The following SPTLC2 variants were observed in gnomAD, a reference collection of about 807,000 sequenced individuals.
SPTLC2 encodes the protein serine palmitoyltransferase long chain base subunit 2.
Under a neutral mutation model 62.0 loss-of-function variants are expected in SPTLC2, and 21 were observed. The observed-to-expected ratio is 0.34, with a 90% CI of 0.24 to 0.49. SPTLC2 has a LOEUF of 0.49. Ranked by LOEUF, SPTLC2 falls within the 20% of genes least tolerant of loss-of-function variation. The probability of loss-of-function intolerance (pLI) is 0.99; values close to 1 mark genes in which losing one functional copy is unlikely to be tolerated. For missense variants in SPTLC2, 511 were observed against 713.0 expected (o/e 0.72, Z 3.23); for synonymous variants, 261 against 261.8 (o/e 1.00, Z 0.03).
chr14:77,593,428 CTGTATCTGTCACGTACG>C (rs1468072886), intron 2 of SPTLC2, among the ~76,000 whole-genome samples: 6 of 152,160 alleles, frequency 3.9e-5, no homozygotes, highest in East Asian at 3.8e-4. Flanking sequence ...CAAGCTTTTG[CTGTATCTGTCACGTACG>C]TGTTTCTGAA....
Position 77,513,756 on chromosome 14 carries a change from G to A in SPTLC2, c.1570-1353C>T, listed in dbSNP as rs533645720. The stretch of plus-strand genomic sequence containing the variant: ...ACTGAAAATACAAAATTAGCTGGGC[G>A]TGGTGGCACATGCCTGTAATCCCAG... On this transcript the variant is annotated intron_variant, in intron 11 of 11. Coordinates refer to ENST00000216484, the MANE Select transcript of SPTLC2 (RefSeq NM_004863.4). 6.2e-4 allele frequency among the ~76,000 whole-genome samples: 95 copies of A among 152,202 alleles called. 1 individual carries two copies. The highest frequency in any genetic ancestry group is 1.9e-3 in the African/African-American group (80 of 41,526).
chr14:77,575,692 C>T (rs1481515403), intron 4 of SPTLC2, among the ~76,000 whole-genome samples: 1 of 152,156 alleles, frequency 6.6e-6, no homozygotes, highest in Non-Finnish European at 1.5e-5. Flanking sequence ...CCACCACGTT[C>T]GGCTACTTTA....
intron 1 of SPTLC2, among the ~76,000 whole-genome samples, chr14:77,613,429 T>C (rs888449490): frequency 1.3e-5 from 2 of 152,232 alleles, no homozygotes; most frequent in South Asian, 4.1e-4. Context: ...TACTGCTCTA[T>C]TGTTCAACTG....
chr14:77,614,533 G>A (rs536081191), intron 1 of SPTLC2, among the ~76,000 whole-genome samples: 12 of 152,086 alleles, frequency 7.9e-5, no homozygotes, highest in East Asian at 7.7e-4. Context: ...GCGTGGTGGC[G>A]GGTGCCTGTA....
chr14:77,573,256 T>C (rs879576890), intron 4 of SPTLC2, among the ~76,000 whole-genome samples: 25 of 152,092 alleles, frequency 1.6e-4, no homozygotes, highest in African/African-American at 4.3e-4. Context: ...AGAAATAAGT[T>C]CTAATGTTTG....
At chr14:77,559,912 T>C (rs2079605707) in intron 6 of SPTLC2, among the ~76,000 whole-genome samples, 1 of 151,336 alleles carries the variant, frequency 6.6e-6, no homozygotes, top group South Asian at 2.1e-4. Context: ...AATAAAATAA[T>C]GCAACATAAA....
Position 77,570,842 on chromosome 14 carries a change from G to A in SPTLC2, c.632-334C>T, listed in dbSNP as rs190322139. On this transcript the variant is annotated intron_variant, in intron 4 of 11. Coordinates refer to ENST00000216484, the MANE Select transcript of SPTLC2 (RefSeq NM_004863.4). ...TAGCAAAATCTGCTTTTACACTTTT[G>A]AAGTCAGCTGCTATGTAAAACAATC... Among the ~76,000 whole-genome samples the A allele has an allele frequency of 3.8e-3, 585 of 151,960 alleles. 2 individuals are homozygous for A. Among genetic ancestry groups the A allele is most frequent in the Admixed American group, 0.011 (168 of 15,230 alleles).
At chr14:77,519,007 T>C (rs2079372515) in intron 10 of SPTLC2, among the ~76,000 whole-genome samples, 1 of 152,228 alleles carries the variant, frequency 6.6e-6, no homozygotes. Flanking sequence ...CTTGTCTAAA[T>C]AACACATTCT....
chr14:77,608,419 C>T (rs1490951117), intron 1 of SPTLC2, among the ~76,000 whole-genome samples: 1 of 152,104 alleles, frequency 6.6e-6, no homozygotes, highest in Admixed American at 6.5e-5. Flanking sequence ...AGAAATAAAA[C>T]TGTATTCAAC....
intron 1 of SPTLC2, among the ~76,000 whole-genome samples, chr14:77,604,802 G>A (rs2140062033): frequency 6.7e-6 from 1 of 149,582 alleles, no homozygotes. Flanking sequence ...GGGAGGCGGA[G>A]GTTGCGGTGA....
chr14:77,529,732 C>T (rs1483795216), intron 9 of SPTLC2, among the ~76,000 whole-genome samples: 4 of 149,488 alleles, frequency 2.7e-5, no homozygotes, highest in African/African-American at 4.9e-5. Flanking sequence ...AAGAGATTCT[C>T]GTGCCTCAGC....
intron 9 of SPTLC2, among the ~76,000 whole-genome samples, chr14:77,545,462 T>C (rs1019908965): frequency 2.0e-5 from 3 of 152,058 alleles, no homozygotes; most frequent in African/African-American, 4.8e-5. Flanking sequence ...AGAGACAGGG[T>C]TTCGCCATGT....
At chr14:77,603,220 AGGATAACAG>A (rs2079887455) in intron 1 of SPTLC2, among the ~76,000 whole-genome samples, 1 of 152,262 alleles carries the variant, frequency 6.6e-6, no homozygotes, top group Non-Finnish European at 1.5e-5. Flanking sequence ...ATGCTACAGC[AGGATAACAG>A]AACCTGCCCA....
intron 9 of SPTLC2, among the ~76,000 whole-genome samples, chr14:77,548,324 A>T (rs560322865): frequency 6.6e-6 from 1 of 152,218 alleles, no homozygotes; most frequent in Non-Finnish European, 1.5e-5. Flanking sequence ...AAAGGATCCT[A>T]GATGTCACAC....
At chr14:77,603,888 G>C (rs1401805878) in intron 1 of SPTLC2, among the ~76,000 whole-genome samples, 5 of 152,190 alleles carry the variant, frequency 3.3e-5, no homozygotes, top group Admixed American at 6.5e-5. Context: ...TGTAAGAGAT[G>C]CAAGAGCCTG....
chr14:77,546,923 C>A (rs2079531357), intron 9 of SPTLC2, among the ~76,000 whole-genome samples: 1 of 150,866 alleles, frequency 6.6e-6, no homozygotes, highest in Admixed American at 6.6e-5. Context: ...AGAGACAGGG[C>A]TTCTCCATGT....
chr14:77,520,101 C>T (rs1320139316), intron 10 of SPTLC2, among the ~76,000 whole-genome samples: 2 of 151,738 alleles, frequency 1.3e-5, no homozygotes, highest in Non-Finnish European at 1.5e-5. Context: ...AAAGTGTACA[C>T]AGTCAGTTGC....
chr14:77,557,204 C>G, intron 6 of SPTLC2, 58 bp from the exon 7 acceptor site: 1 of 1,396,094 alleles, frequency 7.2e-7, no homozygotes, highest in Non-Finnish European at 1.0e-6. Flanking sequence ...AACTTTATTC[C>G]GGAAATGCAG....
intron 6 of SPTLC2, among the ~76,000 whole-genome samples, chr14:77,558,444 GAA>G (rs1301294651): frequency 1.3e-5 from 2 of 152,000 alleles, no homozygotes; most frequent in East Asian, 3.9e-4. Context: ...AATTTTGACA[GAA>G]AAAGAGATAA....
Sources: allele counts gnomAD v4.1 joint callset (sites outside exome capture counted in the v4.1 genomes callset), GRCh38; gene constraint gnomAD v4.1.1; transcripts MANE v1.5; gene names NCBI Gene and HGNC (gene_info 2026-07-23, HGNC 2026-07-21).